DACH2: variants seen among roughly 807,000 people sequenced by gnomAD.
The protein encoded by DACH2 is dachshund homolog 2.
Under a neutral mutation model 35.8 loss-of-function variants are expected in DACH2, and 17 were observed. The observed-to-expected ratio is 0.48, with a 90% CI of 0.33 to 0.71. The LOEUF is 0.71. Ranked by LOEUF, DACH2 falls within the 30% of genes least tolerant of loss-of-function variation. DACH2 has a pLI of 0.02. For synonymous variants in DACH2, 195 were observed against 177.3 expected, an observed-to-expected ratio of 1.10 and a Z score of -0.79; for missense variants, 469 against 472.7, an observed-to-expected ratio of 0.99 and a Z score of 0.07.
At chrX:86,327,608 T>A (rs188782785) in intron 1 of DACH2, among the ~76,000 whole-genome samples, 205 of 99,665 alleles carry the variant, frequency 2.1e-3, no homozygotes, top group African/African-American at 8.3e-3. Flanking sequence ...AAAGTTAGTG[T>A]TGTAAACATT....
chrX:86,241,341 A>G (rs2033162333), intron 1 of DACH2, among the ~76,000 whole-genome samples: 1 of 112,051 alleles, frequency 8.9e-6, no homozygotes, highest in Non-Finnish European at 1.9e-5. Flanking sequence ...GACTGGTGCC[A>G]TTTTGCCCCT....
At chrX:86,740,068 A>C (rs1240079690) in intron 7 of DACH2, among the ~76,000 whole-genome samples, 186 bp downstream of exon 7, 6 of 111,706 alleles carry the variant, frequency 5.4e-5, no homozygotes, top group African/African-American at 2.0e-4. Context: ...ACATTGTTAG[A>C]AGTTTGTTCT....
At chrX:86,230,047 A>AG in intron 1 of DACH2, among the ~76,000 whole-genome samples, 1 of 110,866 alleles carries the variant, frequency 9.0e-6, no homozygotes, top group Middle Eastern at 4.7e-3. Context: ...TCCCGTTCTC[A>AG]GGGGGAATGC....
At chrX:86,248,033 AT>A (rs1022680933) in intron 1 of DACH2, among the ~76,000 whole-genome samples, 3 of 111,032 alleles carry the variant, frequency 2.7e-5, no homozygotes, top group African/African-American at 6.5e-5. Flanking sequence ...CATTAAAAAA[AT>A]ACCTCAAAAT....
In DACH2 at chrX:86,367,992, C is replaced by G. The variant is rs748718102; in HGVS notation, c.489-8832C>G. 1.1e-4 allele frequency among the ~76,000 whole-genome samples: 12 copies of G among 111,488 alleles called. No individual in the cohort carries two copies. In the South Asian group the frequency reaches 4.5e-3, roughly 42 times the overall value. On this transcript the variant is annotated intron_variant, in intron 1 of 11. Transcript: ENST00000373125. Reference sequence around the variant, plus strand: ...CACCTACACACTCTCTTATAACAATCCATTCTGTGCATCTTGTCAGTTTTA... The same window carrying G: ...CACCTACACACTCTCTTATAACAATGCATTCTGTGCATCTTGTCAGTTTTA...
At chrX:86,210,274 A>G (rs2032414158) in intron 1 of DACH2, among the ~76,000 whole-genome samples, 1 of 111,983 alleles carries the variant, frequency 8.9e-6, no homozygotes, top group African/African-American at 3.2e-5. Flanking sequence ...GTTCAAAAGC[A>G]TGATTACTAT....
chrX:86,316,966 A>T (rs1231421899), intron 1 of DACH2, among the ~76,000 whole-genome samples: 1 of 109,648 alleles, frequency 9.1e-6, no homozygotes, highest in Non-Finnish European at 1.9e-5. Context: ...AAAAATACAA[A>T]AATTAGCAGA....
At chrX:86,562,227 A>G (rs2039232198) in intron 3 of DACH2, among the ~76,000 whole-genome samples, 1 of 110,335 alleles carries the variant, frequency 9.1e-6, no homozygotes, top group Non-Finnish European at 1.9e-5. Context: ...AAGGTGACAC[A>G]TGTTTTTTGT....
intron 1 of DACH2, among the ~76,000 whole-genome samples, chrX:86,207,256 A>T (rs892129438): frequency 9.0e-6 from 1 of 111,478 alleles, no homozygotes; most frequent in African/African-American, 3.3e-5. Flanking sequence ...AGAAGGGGAG[A>T]TATAGATTGG....
chrX:86,243,228 C>A lies in DACH2; in HGVS notation c.488+94120C>A, dbSNP rs915016138. 4.5e-5 allele frequency among the ~76,000 whole-genome samples: 5 copies of A among 110,685 alleles called. No individual in the cohort carries two copies. In the East Asian group the frequency reaches 8.5e-4, roughly 19 times the overall value. ...ATCTAAAGATACAAAGGAGCAGATA[C>A]ATAGGAAAAAAAAGTCGAGAGATCT... On this transcript the variant is annotated intron_variant, in intron 1 of 11. Coordinates refer to ENST00000373125, the MANE Select transcript of DACH2 (RefSeq NM_053281.3).
At chrX:86,662,080 A>G (rs936198254) in intron 4 of DACH2, among the ~76,000 whole-genome samples, 4 of 112,256 alleles carry the variant, frequency 3.6e-5, no homozygotes, top group African/African-American at 1.3e-4. Flanking sequence ...TATAGTATAA[A>G]CAATATAGAG....
intron 1 of DACH2, among the ~76,000 whole-genome samples, chrX:86,250,036 A>G (rs1290674632): frequency 9.1e-6 from 1 of 110,383 alleles, no homozygotes. Flanking sequence ...AACAACAGAC[A>G]CCTGGGCCTA....
intron 1 of DACH2, among the ~76,000 whole-genome samples, chrX:86,317,888 A>G (rs1339322570): frequency 9.0e-6 from 1 of 111,343 alleles, no homozygotes; most frequent in Admixed American, 9.5e-5. Flanking sequence ...CTGTCTACAC[A>G]GGGGCTGTGT....
intron 1 of DACH2, among the ~76,000 whole-genome samples, chrX:86,176,746 G>C: frequency 8.9e-6 from 1 of 111,957 alleles, no homozygotes; most frequent in Non-Finnish European, 1.9e-5. Context: ...CTGTGCTTCA[G>C]TGAAGCTGTC....
chrX:86,658,885 A>T (rs2040573949), intron 4 of DACH2, among the ~76,000 whole-genome samples: 2 of 111,559 alleles, frequency 1.8e-5, no homozygotes, highest in African/African-American at 6.5e-5. Flanking sequence ...AAAACCCACG[A>T]TTATAACCAC....
intron 3 of DACH2, among the ~76,000 whole-genome samples, chrX:86,540,473 G>T (rs1397563726): frequency 8.9e-6 from 1 of 112,250 alleles, no homozygotes; most frequent in East Asian, 2.8e-4. Context: ...AAGGAAAGTA[G>T]CCCAATCAGC....
intron 2 of DACH2, among the ~76,000 whole-genome samples, chrX:86,415,514 C>A (rs760163718): frequency 7.1e-5 from 8 of 111,970 alleles, no homozygotes; most frequent in Non-Finnish European, 1.9e-5. Context: ...AACAACAGGC[C>A]ATCACAATGA....
At chrX:86,319,545 C>T (rs756620437) in intron 1 of DACH2, among the ~76,000 whole-genome samples, 5 of 111,715 alleles carry the variant, frequency 4.5e-5, no homozygotes, top group Non-Finnish European at 9.4e-5. Context: ...GTTCCTAGGC[C>T]TTGCCAATTG....
chrX:86,539,850 G>T (rs1416966315), intron 3 of DACH2, among the ~76,000 whole-genome samples: 2 of 111,129 alleles, frequency 1.8e-5, no homozygotes, highest in Non-Finnish European at 3.8e-5. Context: ...TTCAATAATG[G>T]TCCACTATTA....
Sources: gnomAD v4.1 joint callset for allele counts (sites outside exome capture counted in the v4.1 genomes callset) on GRCh38, gnomAD v4.1.1 for gene constraint, MANE v1.5 for transcripts, NCBI Gene and HGNC (gene_info 2026-07-23, HGNC 2026-07-21) for gene names.